Variants in QKI observed in about 807,000 individuals in gnomAD.
The protein encoded by QKI is QKI, KH domain containing RNA binding, also known as KH domain-containing RNA-binding protein QKI.
Under a neutral mutation model 39.0 loss-of-function variants are expected in QKI, and 10 were observed. The observed-to-expected ratio is 0.26, with a 90% CI of 0.16 to 0.43. The LOEUF (loss-of-function observed/expected upper bound fraction) is 0.43, where lower values mean the gene tolerates loss of function less well. QKI is among the 20% of genes least tolerant of loss of function. The probability of loss-of-function intolerance (pLI) is 1.00; values close to 1 mark genes in which losing one functional copy is unlikely to be tolerated. For missense variants in QKI, 218 were observed against 428.0 expected (o/e 0.51, Z 4.33); for synonymous variants, 204 against 155.4 (o/e 1.31, Z -2.33).
At position 163,573,474 on chromosome 6, in the gene QKI, T is replaced by G. The variant is rs1783816354; in HGVS notation, c.*2764T>G. The G allele has an allele frequency of 6.6e-6, 1 of 152,236 alleles. No homozygotes were observed. The highest frequency in any genetic ancestry group is 1.5e-5 in the Non-Finnish European group (1 of 68,040). 9.4% of individuals were successfully genotyped at this position (152,236 alleles called of 1,614,324 possible). On this transcript the variant is annotated 3_prime_UTR_variant, in exon 8 of 8. Transcript: ENST00000361752. ...TAAGATAATGTATTTACAGCCATTG[T>G]TACAAGTTTATAATGTATTTTTCTA...
intron 3 of QKI, among the ~76,000 whole-genome samples, chr6:163,515,055 A>G (rs1562503410): frequency 1.3e-5 from 2 of 152,194 alleles, no homozygotes; most frequent in Admixed American, 6.5e-5. Context: ...AAAGATCACA[A>G]ATTCAATTAA....
At chr6:163,531,757 G>A (rs757331735) in intron 3 of QKI, among the ~76,000 whole-genome samples, 76 of 152,062 alleles carry the variant, frequency 5.0e-4, no homozygotes, top group Non-Finnish European at 9.9e-4. Context: ...TTCCTGCCTC[G>A]GCCCCCCCAA....
chr6:163,446,470 T>C (rs879641138), intron 1 of QKI, among the ~76,000 whole-genome samples: 8 of 152,202 alleles, frequency 5.3e-5, no homozygotes, highest in Admixed American at 2.0e-4. Context: ...TCTGATGATA[T>C]CAAACTAACT....
intron 1 of QKI, among the ~76,000 whole-genome samples, chr6:163,429,345 C>A (rs1432708058): frequency 1.3e-5 from 2 of 151,494 alleles, no homozygotes; most frequent in Non-Finnish European, 2.9e-5. Flanking sequence ...TCCTTGTAGT[C>A]CCCCCCCACC....
At chr6:163,568,068 G>GT in intron 7 of QKI, 2 of 985,408 alleles carry the variant, frequency 2.0e-6, no homozygotes, top group Non-Finnish European at 2.4e-6. Context: ...CAGCTCCGTG[G>GT]TCGTCTATGA....
chr6:163,479,329 C>G (rs953387286), intron 3 of QKI, among the ~76,000 whole-genome samples: 1 of 152,166 alleles, frequency 6.6e-6, no homozygotes, highest in Non-Finnish European at 1.5e-5. Context: ...AACTTTTAAA[C>G]TTTTTAAAGG....
Position 163,570,697 on chromosome 6 carries a change from C to G in QKI, c.1013C>G (p.Ala338Gly), listed in dbSNP as rs1157899721. ...YQRIVTADRA[A>G]TGN ...TTTTTTGTTTCTAACCACCCAGCCG[C>G]CACCGGCAACTAACCTATGACCTTC... Residue 338 changes from alanine (A) to glycine (G), a missense_variant, in exon 8 of 8, where the codon GCC becomes GGC. Transcript: ENST00000361752. 6 of 1,612,720 alleles carry G rather than the reference C, an allele frequency of 3.7e-6. No homozygotes were observed. In the Admixed American group the frequency reaches 5.0e-5, roughly 13 times the overall value.
intron 3 of QKI, among the ~76,000 whole-genome samples, chr6:163,504,213 CTTTATGTCTGTT>C (rs1778957736): frequency 6.6e-6 from 1 of 152,062 alleles, no homozygotes; most frequent in Admixed American, 6.6e-5. Context: ...TTCCATTGGT[CTTTATGTCTGTT>C]TTTATACCAG....
At chr6:163,447,137 A>C (rs1278267837) in intron 1 of QKI, among the ~76,000 whole-genome samples, 3 of 152,132 alleles carry the variant, frequency 2.0e-5, no homozygotes, top group Non-Finnish European at 2.9e-5. Context: ...TGAAACTCTT[A>C]AGTAAAGCTG....
chr6:163,523,301 A>T (rs2128238175), intron 3 of QKI, among the ~76,000 whole-genome samples: 1 of 152,368 alleles, frequency 6.6e-6, no homozygotes, highest in Non-Finnish European at 1.5e-5. Context: ...ATGTAGAAAA[A>T]TACACATGTG....
chr6:163,473,026 T>C (rs1391705787), intron 2 of QKI, among the ~76,000 whole-genome samples: 1 of 152,086 alleles, frequency 6.6e-6, no homozygotes, highest in Non-Finnish European at 1.5e-5. Context: ...TAGAAATCAA[T>C]TAAAGACAAA....
intron 4 of QKI, among the ~76,000 whole-genome samples, chr6:163,542,074 C>G (rs151192246): frequency 2.2e-4 from 34 of 151,890 alleles, no homozygotes; most frequent in African/African-American, 8.0e-4. Context: ...CAAAATGTAC[C>G]CTGTTTGCTA....
At chr6:163,489,516 T>A (rs1215491050) in intron 3 of QKI, among the ~76,000 whole-genome samples, 1 of 151,902 alleles carries the variant, frequency 6.6e-6, no homozygotes, top group Non-Finnish European at 1.5e-5. Flanking sequence ...TCCCAACTAT[T>A]GTTTGTAGTG....
At chr6:163,442,884 ACTTT>A (rs1313282199) in intron 1 of QKI, among the ~76,000 whole-genome samples, 2 of 152,144 alleles carry the variant, frequency 1.3e-5, no homozygotes, top group Non-Finnish European at 2.9e-5. Flanking sequence ...AATCAGTTAT[ACTTT>A]TACAATCTCA....
intron 3 of QKI, among the ~76,000 whole-genome samples, chr6:163,529,749 GTC>G (rs1160687175): frequency 5.3e-5 from 8 of 152,200 alleles, no homozygotes; most frequent in African/African-American, 1.9e-4. Flanking sequence ...GCAGCAGCCA[GTC>G]TCTGTCAAAG....
At chr6:163,515,408 G>A (rs1026269221) in intron 3 of QKI, among the ~76,000 whole-genome samples, 37 of 152,144 alleles carry the variant, frequency 2.4e-4, no homozygotes, top group African/African-American at 8.4e-4. Flanking sequence ...TGTTTTGGAA[G>A]ATGGGAATGA....
chr6:163,427,175 AATTC>A (rs1788469407), intron 1 of QKI, among the ~76,000 whole-genome samples: 3 of 151,166 alleles, frequency 2.0e-5, no homozygotes, highest in South Asian at 2.1e-4. Flanking sequence ...TTGACTTTAA[AATTC>A]ATTCATTCAT....
chr6:163,529,766 A>T (rs976349204), intron 3 of QKI, among the ~76,000 whole-genome samples: 14 of 152,220 alleles, frequency 9.2e-5, no homozygotes, highest in Non-Finnish European at 1.9e-4. Flanking sequence ...TCAAAGCACA[A>T]GTAAGCCATG....
chr6:163,459,984 T>C (rs974695999), intron 2 of QKI, among the ~76,000 whole-genome samples: 1 of 152,250 alleles, frequency 6.6e-6, no homozygotes. Context: ...AAAAGTGTTA[T>C]ATTTTGAATG....
Sources: gnomAD v4.1 joint callset for allele counts (sites outside exome capture counted in the v4.1 genomes callset) on GRCh38, gnomAD v4.1.1 for gene constraint, MANE v1.5 for transcripts, NCBI Gene and HGNC (gene_info 2026-07-23, HGNC 2026-07-21) for gene names.